ATG4C: variants seen among roughly 807,000 people sequenced by gnomAD.
The protein encoded by ATG4C is cysteine protease ATG4C.
Under a neutral mutation model 57.6 loss-of-function variants are expected in ATG4C, and 56 were observed. The observed-to-expected ratio is 0.97, with a 90% CI of 0.78 to 1.21. ATG4C has a LOEUF of 1.21. ATG4C is among the 50% of genes most tolerant of loss of function. The pLI is 0.00. For synonymous variants in ATG4C, 157 were observed against 174.1 expected (o/e 0.90, Z 0.78); for missense variants, 595 against 529.8 (o/e 1.12, Z -1.21).
intron 6 of ATG4C, among the ~76,000 whole-genome samples, chr1:62,824,018 A>G (rs1173887987): frequency 6.6e-6 from 1 of 152,164 alleles, no homozygotes; most frequent in Non-Finnish European, 1.5e-5. Context: ...TCTTATATAT[A>G]ATATCAATGA....
intron 1 of ATG4C, among the ~76,000 whole-genome samples, chr1:62,796,900 G>C (rs758991550): frequency 1.3e-5 from 2 of 152,152 alleles, no homozygotes; most frequent in Non-Finnish European, 2.9e-5. Flanking sequence ...CTGAGGTCAG[G>C]AGTTTGAGAC....
intron 7 of ATG4C, among the ~76,000 whole-genome samples, 155 bp downstream of exon 7, chr1:62,829,331 A>G (rs1408315161): frequency 6.6e-6 from 1 of 152,288 alleles, no homozygotes; most frequent in Non-Finnish European, 1.5e-5. Flanking sequence ...AAATTTTGGT[A>G]TTATAAGACC....
rs1185866266 is a variant in ATG4C at position 62,821,207 on chromosome 1, C to T, written c.794C>T (p.Thr265Ile). 2 of 1,587,664 alleles carry T rather than the reference C, an allele frequency of 1.3e-6. No individual in the cohort carries two copies. The highest frequency in any genetic ancestry group is 1.7e-6 in the Non-Finnish European group (2 of 1,167,170). ...GITIYVAQDC[T>I]VYNSDVIDKQ... is the part of the protein sequence containing the mutation. ...ACTATTTATGTTGCACAAGATTGTA[C>T]AGGTAAGGAATGTATATAATTCTAA... Residue 265 changes from threonine to isoleucine, a missense_variant and splice_region_variant, in exon 6 of 11, where the codon ACA (threonine) becomes ATA (isoleucine). Thr to Ile is a moderately conservative substitution (Grantham distance 89). Coordinates refer to ENST00000317868, the MANE Select transcript of ATG4C (RefSeq NM_032852.4).
At chr1:62,822,891 A>G (rs1194813457) in intron 6 of ATG4C, among the ~76,000 whole-genome samples, 3 of 152,250 alleles carry the variant, frequency 2.0e-5, no homozygotes, top group East Asian at 1.9e-4. Context: ...ACAGTGGCTC[A>G]TGCCTATAAT....
rs1242000059 is a variant in ATG4C at position 62,816,651 on chromosome 1, T to G, written c.237T>G (p.Phe79Leu). 5 of 1,613,846 alleles carry G rather than the reference T, an allele frequency of 3.1e-6. No homozygotes were observed. The highest frequency in any genetic ancestry group is 4.2e-6 in the Non-Finnish European group (5 of 1,179,830). Residue 79 changes from phenylalanine to leucine, a missense_variant, in exon 4 of 11, where the codon TTT becomes TTG. Physicochemically the swap from Phe to Leu is conservative, Grantham distance 22. Transcript: ENST00000317868. The stretch of plus-strand genomic sequence containing the variant: ...TAATTGCAGGAAATGTAGAAGAATT[T>G]CGTAAAGATTTCATTTCTAGAATAT... ...DHVIAGNVEE[F>L]RKDFISRIWL...
intron 1 of ATG4C, among the ~76,000 whole-genome samples, chr1:62,787,732 T>A (rs191902828): frequency 1.2e-4 from 19 of 152,078 alleles, no homozygotes; most frequent in South Asian, 4.1e-4. Flanking sequence ...TTTTTTTTTT[T>A]AAATTTATAA....
At chr1:62,803,905 T>C (rs1664767327) in intron 2 of ATG4C, 43 bp downstream of exon 2, 1 of 1,249,862 alleles carries the variant, frequency 8.0e-7, no homozygotes, top group East Asian at 2.5e-5. Context: ...CAAAGAAATA[T>C]TTGACAATAT....
At chr1:62,829,440 TGTAATATAGTTACA>T (rs1665772550) in intron 7 of ATG4C, among the ~76,000 whole-genome samples, 1 of 152,270 alleles carries the variant, frequency 6.6e-6, no homozygotes, top group East Asian at 1.9e-4. Flanking sequence ...AATCATAACC[TGTAATATAGTTACA>T]GTTTCATTAT....
At chr1:62,813,067 A>G (rs949871298) in intron 3 of ATG4C, among the ~76,000 whole-genome samples, 3 of 152,228 alleles carry the variant, frequency 2.0e-5, no homozygotes, top group Admixed American at 6.5e-5. Flanking sequence ...TATAGATTCA[A>G]TGCTATCCCC....
chr1:62,817,688 C>G (rs1003538472), intron 4 of ATG4C, among the ~76,000 whole-genome samples: 8 of 152,182 alleles, frequency 5.3e-5, no homozygotes, highest in African/African-American at 1.7e-4. Flanking sequence ...GTTTTAGACC[C>G]TAAAAAATGT....
At chr1:62,863,945 T>G in intron 10 of ATG4C, 47 bp from the exon 11 acceptor site, 1 of 1,341,008 alleles carries the variant, frequency 7.5e-7, no homozygotes. Flanking sequence ...GGTCTTAGTG[T>G]GCACTATTGC....
intron 6 of ATG4C, among the ~76,000 whole-genome samples, 161 bp from the exon 7 acceptor site, chr1:62,828,879 G>C (rs1665751979): frequency 6.6e-6 from 1 of 152,170 alleles, no homozygotes; most frequent in Non-Finnish European, 1.5e-5. Flanking sequence ...TGGCTAGCCA[G>C]TTATCCTAGT....
intron 6 of ATG4C, 105 bp downstream of exon 6, chr1:62,821,314 ATG>A: frequency 1.6e-6 from 1 of 631,496 alleles, no homozygotes. Flanking sequence ...GGTAGGGACC[ATG>A]TCTTATACAT....
At chr1:62,837,115 A>G (rs2886770) in intron 9 of ATG4C, among the ~76,000 whole-genome samples, 95,224 of 151,638 alleles carry the variant, frequency 0.63, 30,107 homozygotes, top group African/African-American at 0.7. Flanking sequence ...CTTCTCTGTG[A>G]TTCCAAGTGT....
chr1:62,797,350 TG>T (rs1486345564), intron 1 of ATG4C, among the ~76,000 whole-genome samples: 1 of 152,214 alleles, frequency 6.6e-6, no homozygotes, highest in African/African-American at 2.4e-5. Context: ...GATGATTTTA[TG>T]TCTGTTAGTG....
chr1:62,816,592 C>G lies in ATG4C; in HGVS notation c.178C>G (p.Pro60Ala). The G allele has an allele frequency of 6.2e-7, 1 of 1,608,868 alleles. No individual in the cohort carries two copies. The highest frequency in any genetic ancestry group is 1.7e-4 in the Middle Eastern group (1 of 6,014). ...FKYEDEDKTL[P>A]AESGCTIEDH... is the part of the protein sequence containing the mutation. ...TTTTTTAGATGAAGATAAAACGTTACCTGCAGAGTCGGGATGTACAATAGA... is the reference window on the plus strand; with the variant it reads ...TTTTTTAGATGAAGATAAAACGTTAGCTGCAGAGTCGGGATGTACAATAGA... Residue 60 changes from proline (P) to alanine (A), a missense_variant, in exon 4 of 11, where the codon CCT becomes GCT. Coordinates refer to ENST00000317868, the MANE Select transcript of ATG4C (RefSeq NM_032852.4).
chr1:62,849,726 G>A (rs1666442968), intron 10 of ATG4C, among the ~76,000 whole-genome samples: 1 of 151,792 alleles, frequency 6.6e-6, no homozygotes, highest in African/African-American at 2.4e-5. Flanking sequence ...TGGCTAGGCT[G>A]GTCTCAAACT....
rs752906527 is a variant in ATG4C at position 62,826,249 on chromosome 1, T to C, written c.797-2791T>C. 9.4e-3 allele frequency among the ~76,000 whole-genome samples: 1,392 copies of C among 148,592 alleles called. 9 individuals carry two copies. The highest frequency in any genetic ancestry group is 0.042 in the South Asian group (198 of 4,664). ...ACGTGACCATTCCCTATTTTTTTTT[T>C]TTTTGAGATGGAGTCTAGCTCTGTC... On this transcript the variant is annotated intron_variant, in intron 6 of 10. Coordinates refer to ENST00000317868, the MANE Select transcript of ATG4C (RefSeq NM_032852.4).
intron 6 of ATG4C, among the ~76,000 whole-genome samples, chr1:62,823,039 C>G (rs763921858): frequency 2.0e-4 from 31 of 152,264 alleles, no homozygotes; most frequent in Non-Finnish European, 4.0e-4. Flanking sequence ...GCCTGTAGTC[C>G]CAGCTACTCG....
Sources: allele counts gnomAD v4.1 joint callset (sites outside exome capture counted in the v4.1 genomes callset), GRCh38; gene constraint gnomAD v4.1.1; transcripts MANE v1.5; gene names NCBI Gene and HGNC (gene_info 2026-07-23, HGNC 2026-07-21).